Variants in STX5 observed in about 807,000 individuals in gnomAD.
STX5 encodes the protein syntaxin-5.
STX5 carries 15 observed loss-of-function variants against 42.9 expected under a neutral mutation model. That is an observed-to-expected ratio of 0.35 (90% CI 0.23 to 0.54). The LOEUF is 0.54. STX5 is among the 20% of genes least tolerant of loss of function. The probability of loss-of-function intolerance (pLI) is 0.91; values close to 1 mark genes in which losing one functional copy is unlikely to be tolerated. For synonymous variants in STX5, 184 were observed against 173.2 expected (o/e 1.06, Z -0.49); for missense variants, 430 against 455.0 (o/e 0.95, Z 0.50).
At chr11:62,827,309 T>A in intron 4 of STX5, 34 bp downstream of exon 4, 1 of 1,614,178 alleles carries the variant, frequency 6.2e-7, no homozygotes, top group South Asian at 1.1e-5. Context: ...TTTGATTTAC[T>A]GCCCCACTTC....
At chr11:62,818,350 A>G (rs1353332328) in intron 10 of STX5, among the ~76,000 whole-genome samples, 1 of 151,372 alleles carries the variant, frequency 6.6e-6, no homozygotes, top group Admixed American at 6.6e-5. Context: ...TGAGGTCAGG[A>G]GTTCAAAACC....
At chr11:62,815,427 G>A (rs1466523875) in intron 10 of STX5, among the ~76,000 whole-genome samples, 1 of 151,130 alleles carries the variant, frequency 6.6e-6, no homozygotes, top group Non-Finnish European at 1.5e-5. Context: ...GACATAACTG[G>A]GTGTGGTTTT....
At chr11:62,827,320 T>C in intron 4 of STX5, 23 bp downstream of exon 4, 1 of 1,614,226 alleles carries the variant, frequency 6.2e-7, no homozygotes, top group Non-Finnish European at 8.5e-7. Flanking sequence ...GCCCCACTTC[T>C]GAAAGACCCC....
chr11:62,821,038 G>A (rs1412220182), intron 10 of STX5, among the ~76,000 whole-genome samples: 7 of 151,756 alleles, frequency 4.6e-5, no homozygotes, highest in Admixed American at 1.3e-4. Flanking sequence ...GGCCAGGTGC[G>A]GTGGCTCACA....
At chr11:62,830,824 A>G (rs10431144) in intron 2 of STX5, among the ~76,000 whole-genome samples, 195 bp downstream of exon 2, 7,519 of 152,238 alleles carry the variant, frequency 0.049, 243 homozygotes, top group East Asian at 0.15. Context: ...CTCACAAAAA[A>G]AAGTCTAAGT....
chr11:62,824,098 G>T, intron 10 of STX5, 68 bp downstream of exon 10: 1 of 1,610,368 alleles, frequency 6.2e-7, no homozygotes, highest in Non-Finnish European at 8.5e-7. Context: ...CAGTCCCTGG[G>T]GACTTTAAGA....
chr11:62,824,004 TA>T, intron 10 of STX5, 161 bp downstream of exon 10: 5 of 1,162,124 alleles, frequency 4.3e-6, no homozygotes, highest in Non-Finnish European at 3.7e-6. Flanking sequence ...AGGTGCTCAA[TA>T]AAAACTTGTT....
intron 10 of STX5, among the ~76,000 whole-genome samples, chr11:62,808,243 T>G (rs916296299): frequency 6.6e-6 from 1 of 151,846 alleles, no homozygotes; most frequent in Non-Finnish European, 1.5e-5. Context: ...CTAGGCAACA[T>G]GGCAAAACCC....
intron 10 of STX5, among the ~76,000 whole-genome samples, chr11:62,818,374 T>G (rs937039492): frequency 2.0e-5 from 3 of 149,478 alleles, no homozygotes; most frequent in Non-Finnish European, 4.4e-5. Context: ...CTGGCCAACA[T>G]AGTGAAACCC....
intron 10 of STX5, among the ~76,000 whole-genome samples, chr11:62,808,860 A>G (rs1434759271): frequency 6.6e-6 from 1 of 152,174 alleles, no homozygotes; most frequent in Non-Finnish European, 1.5e-5. Context: ...GTTAGATTTA[A>G]TTTAACATTG....
At chr11:62,824,362 A>G (rs1011842097) in intron 9 of STX5, 75 bp from the exon 10 acceptor site, 6 of 1,612,706 alleles carry the variant, frequency 3.7e-6, no homozygotes, top group Non-Finnish European at 5.1e-6. Context: ...CAACCCTCCC[A>G]GCTTGCCATT....
rs192180868 is a variant in STX5, at chr11:62,811,957, A to G, written c.909-4329T>C. 2.0e-5 allele frequency among the ~76,000 whole-genome samples: 3 copies of G among 152,296 alleles called. No individual in the cohort carries two copies. In the East Asian group the frequency reaches 5.8e-4, roughly 29 times the overall value. ...GTTTGCTAAACCAATGAGCAAACAC[A>G]TGCTAACAGTGAAAAATACTTATGA... On this transcript the variant is annotated intron_variant, in intron 10 of 10. Transcript: ENST00000294179.
intron 10 of STX5, among the ~76,000 whole-genome samples, chr11:62,813,770 TGAG>T (rs2084642898): frequency 6.6e-6 from 1 of 152,174 alleles, no homozygotes; most frequent in Admixed American, 6.6e-5. Flanking sequence ...CTTAATGAGC[TGAG>T]AAGACTGAAG....
rs144406792 is a variant in STX5, at chr11:62,832,033, C to G, written c.-99G>C. The G allele has an allele frequency of 2.1e-3, 1,033 of 484,334 alleles. 9 individuals carry two copies. Among genetic ancestry groups the G allele is most frequent in the African/African-American group, 0.019 (958 of 51,278 alleles). The allele number at this position is 484,334 out of a possible 1,614,324, so 30.0% of individuals were successfully genotyped here. A position where few individuals can be genotyped will look rare whatever the true frequency, so the allele number is the denominator to read the frequency against. On this transcript the variant is annotated 5_prime_UTR_variant, in exon 1 of 11. Transcript: ENST00000294179. The stretch of plus-strand genomic sequence containing the variant: ...CCTCCTCCCCGAGCACTGAAGCCGC[C>G]GAAACCCGACCAAAGACTGGAAGCG...
intron 10 of STX5, among the ~76,000 whole-genome samples, chr11:62,817,198 G>T (rs763272691): frequency 2.6e-5 from 4 of 152,190 alleles, no homozygotes; most frequent in Non-Finnish European, 4.4e-5. Flanking sequence ...AAAGTGCTAG[G>T]ATTACAGGCA....
In STX5 at chr11:62,830,576, T is replaced by C; in HGVS notation, c.225+443A>G. The C allele has an allele frequency of 5.7e-5, 26 of 459,660 alleles. 1 individual carries two copies. The highest frequency in any genetic ancestry group is 4.0e-4 in the South Asian group (26 of 64,234). 28.5% of individuals were successfully genotyped at this position (459,660 alleles called of 1,614,324 possible). ...AACAAAACAAAAACAACAAATTACT[T>C]ATCTAGAAAATGTCCTTAATCTTAC... On this transcript the variant is annotated intron_variant, in intron 2 of 10. Transcript: ENST00000294179.
chr11:62,820,110 C>A (rs555830923), intron 10 of STX5, among the ~76,000 whole-genome samples: 2 of 151,610 alleles, frequency 1.3e-5, no homozygotes, highest in East Asian at 4.0e-4. Context: ...GTGGCTCATG[C>A]CTGTAATCCC....
At chr11:62,817,816 G>A (rs2084691787) in intron 10 of STX5, among the ~76,000 whole-genome samples, 2 of 151,944 alleles carry the variant, frequency 1.3e-5, no homozygotes, top group African/African-American at 4.8e-5. Flanking sequence ...AGATTGACCT[G>A]AAAATATACA....
At chr11:62,812,968 C>T (rs899664496) in intron 10 of STX5, among the ~76,000 whole-genome samples, 2 of 151,608 alleles carry the variant, frequency 1.3e-5, no homozygotes, top group Admixed American at 6.6e-5. Context: ...AAAAATTATC[C>T]GGACATGGTG....
Sources: gnomAD v4.1 joint callset for allele counts (sites outside exome capture counted in the v4.1 genomes callset) on GRCh38, gnomAD v4.1.1 for gene constraint, MANE v1.5 for transcripts, NCBI Gene and HGNC (gene_info 2026-07-23, HGNC 2026-07-21) for gene names.